Variants in PRKAR2B observed in about 807,000 individuals in gnomAD.
PRKAR2B encodes protein kinase cAMP-dependent type II regulatory subunit beta, also known as cAMP-dependent protein kinase type II-beta regulatory subunit.
PRKAR2B carries 14 observed loss-of-function variants against 49.9 expected under a neutral mutation model. That is an observed-to-expected ratio of 0.28 (90% CI 0.19 to 0.44). The LOEUF is 0.44. Ranked by LOEUF, PRKAR2B falls within the 20% of genes least tolerant of loss-of-function variation. The pLI is 1.00. For synonymous variants in PRKAR2B, 196 were observed against 197.7 expected (o/e 0.99, Z 0.07); for missense variants, 393 against 537.9 (o/e 0.73, Z 2.67).
intron 1 of PRKAR2B, among the ~76,000 whole-genome samples, chr7:107,052,153 C>T (rs1793818220): frequency 6.6e-6 from 1 of 152,058 alleles, no homozygotes; most frequent in African/African-American, 2.4e-5. Flanking sequence ...CACGGTGGCT[C>T]ATGTCTATAA....
At position 107,044,859 on chromosome 7, in the gene PRKAR2B, G is replaced by A. The variant is rs748209756; in HGVS notation, c.-49G>A. On this transcript the variant is annotated 5_prime_UTR_variant, in exon 1 of 11. Coordinates refer to ENST00000265717, the MANE Select transcript of PRKAR2B (RefSeq NM_002736.3). ...CAGCCGCGGGGCCCTAGGCCGTGCC[G>A]GGGAGGGGGCGAGGGCGGCGCCCAG... 77 of 1,512,366 alleles carry A rather than the reference G, an allele frequency of 5.1e-5. No individual in the cohort carries two copies. The highest frequency in any genetic ancestry group is 6.5e-5 in the Non-Finnish European group (73 of 1,130,074). 93.7% of individuals were successfully genotyped at this position (1,512,366 alleles called of 1,614,324 possible). A position where few individuals can be genotyped will look rare whatever the true frequency, so the allele number is the denominator to read the frequency against.
At chr7:107,156,907 AG>A in intron 8 of PRKAR2B, 76 bp from the exon 9 acceptor site, 2 of 1,236,880 alleles carry the variant, frequency 1.6e-6, no homozygotes, top group East Asian at 4.6e-5. Flanking sequence ...GATCAATTTT[AG>A]GGATATGAAA....
At chr7:107,140,224 T>G (rs1208715142) in intron 4 of PRKAR2B, among the ~76,000 whole-genome samples, 1 of 152,238 alleles carries the variant, frequency 6.6e-6, no homozygotes, top group African/African-American at 2.4e-5. Context: ...TTGAATAGTA[T>G]TTTTGATGTT....
intron 10 of PRKAR2B, among the ~76,000 whole-genome samples, chr7:107,157,605 ATC>A (rs939817090): frequency 8.5e-5 from 13 of 152,236 alleles, no homozygotes; most frequent in Non-Finnish European, 1.8e-4. Context: ...TTTATATGGA[ATC>A]TCTCAAATAA....
At chr7:107,157,467 A>G (rs1468725545) in intron 10 of PRKAR2B, 143 bp downstream of exon 10, 2 of 1,089,268 alleles carry the variant, frequency 1.8e-6, no homozygotes, top group South Asian at 2.8e-5. Context: ...TCATTGCCTT[A>G]TAAAATCAAT....
chr7:107,059,512 A>G (rs1439277423), intron 1 of PRKAR2B, among the ~76,000 whole-genome samples: 2 of 151,170 alleles, frequency 1.3e-5, no homozygotes, highest in African/African-American at 4.9e-5. Flanking sequence ...GTAAATTATT[A>G]TCCATCAACT....
At chr7:107,149,803 A>T (rs1354186839) in intron 6 of PRKAR2B, among the ~76,000 whole-genome samples, 1 of 152,182 alleles carries the variant, frequency 6.6e-6, no homozygotes, top group African/African-American at 2.4e-5. Context: ...ATTTGGTAGC[A>T]CAATAGGGTG....
intron 2 of PRKAR2B, among the ~76,000 whole-genome samples, chr7:107,106,564 A>G (rs142065061): frequency 3.6e-3 from 544 of 152,310 alleles, no homozygotes; most frequent in Non-Finnish European, 4.8e-3. Flanking sequence ...AGAAAAAGGT[A>G]CATGTTTGTG....
chr7:107,099,685 C>G (rs892483161), intron 2 of PRKAR2B, among the ~76,000 whole-genome samples: 1 of 149,516 alleles, frequency 6.7e-6, no homozygotes, highest in African/African-American at 2.5e-5. Context: ...GTTGCCCAGG[C>G]TGGAGTGCAG....
chr7:107,113,893 C>T (rs901554464), intron 2 of PRKAR2B, among the ~76,000 whole-genome samples: 4 of 152,112 alleles, frequency 2.6e-5, no homozygotes, highest in African/African-American at 7.2e-5. Flanking sequence ...TTGTCAGAAT[C>T]GCACGGGCTA....
At chr7:107,129,094 G>A (rs972297745) in intron 4 of PRKAR2B, 1 of 152,180 alleles carries the variant, frequency 6.6e-6, no homozygotes, top group African/African-American at 2.4e-5. Flanking sequence ...CCCTAGAGGA[G>A]AAGCATTAAA....
intron 5 of PRKAR2B, 123 bp downstream of exon 5, chr7:107,141,076 C>A: frequency 1.6e-6 from 1 of 630,386 alleles, no homozygotes; most frequent in Non-Finnish European, 2.7e-6. Flanking sequence ...CTTATTATTA[C>A]ATAATAGGCA....
At chr7:107,102,845 A>G (rs2116815446) in intron 2 of PRKAR2B, among the ~76,000 whole-genome samples, 1 of 152,006 alleles carries the variant, frequency 6.6e-6, no homozygotes, top group South Asian at 2.1e-4. Context: ...TAATTTTTGT[A>G]TTTTTAGTGG....
In PRKAR2B at chr7:107,104,335, T is replaced by G. The variant is rs183042346; in HGVS notation, c.344-17617T>G. On this transcript the variant is annotated intron_variant, in intron 2 of 10. Transcript: ENST00000265717. Reference sequence around the variant, plus strand: ...CAGGCATGAGCCACTATGCCTGCCCTCCTCGCCTCAAAAAAATTCCTAATT... The same window carrying G: ...CAGGCATGAGCCACTATGCCTGCCCGCCTCGCCTCAAAAAAATTCCTAATT... 1.7e-3 allele frequency among the ~76,000 whole-genome samples: 258 copies of G among 152,286 alleles called. 1 individual carries two copies. Among genetic ancestry groups the G allele is most frequent in the African/African-American group, 5.7e-3 (235 of 41,554 alleles).
chr7:107,056,469 G>C (rs911009405), intron 1 of PRKAR2B, among the ~76,000 whole-genome samples: 1 of 152,144 alleles, frequency 6.6e-6, no homozygotes, highest in Admixed American at 6.5e-5. Flanking sequence ...TCTTCCATTT[G>C]TTTGTATCCT....
intron 2 of PRKAR2B, among the ~76,000 whole-genome samples, chr7:107,108,714 C>T (rs752303796): frequency 1.3e-4 from 20 of 152,330 alleles, no homozygotes; most frequent in Non-Finnish European, 2.4e-4. Context: ...TACAGCTCTA[C>T]AGCCTTATAG....
chr7:107,089,241 G>A (rs1304004537), intron 2 of PRKAR2B, among the ~76,000 whole-genome samples: 1 of 152,166 alleles, frequency 6.6e-6, no homozygotes, highest in East Asian at 1.9e-4. Flanking sequence ...TTAGCAATGT[G>A]TAAAGGTCAT....
At chr7:107,084,916 C>T (rs1416768650) in intron 2 of PRKAR2B, among the ~76,000 whole-genome samples, 5 of 152,014 alleles carry the variant, frequency 3.3e-5, no homozygotes, top group African/African-American at 4.8e-5. Flanking sequence ...TGAGCCACCA[C>T]GCCCGGCCTA....
At chr7:107,115,921 A>G (rs1795264167) in intron 2 of PRKAR2B, among the ~76,000 whole-genome samples, 1 of 152,208 alleles carries the variant, frequency 6.6e-6, no homozygotes. Context: ...GTGGCCTTCC[A>G]AATTGCAGAG....
Sources: gnomAD v4.1 joint callset for allele counts (sites outside exome capture counted in the v4.1 genomes callset) on GRCh38, gnomAD v4.1.1 for gene constraint, MANE v1.5 for transcripts, NCBI Gene and HGNC (gene_info 2026-07-23, HGNC 2026-07-21) for gene names.